PTGR2: variants seen among roughly 807,000 people sequenced by gnomAD.
The protein encoded by PTGR2 is prostaglandin reductase 2.
A neutral mutation model predicts 43.4 loss-of-function variants in PTGR2; 32 were observed. The ratio of observed to expected loss-of-function variants is 0.74; its 90% CI spans 0.56 to 0.99. The LOEUF (loss-of-function observed/expected upper bound fraction) is 0.99. Among genes scored for constraint, PTGR2 ranks in the 50% least tolerant of loss-of-function variants. PTGR2 has a pLI of 0.00. For synonymous variants in PTGR2, 106 were observed against 139.2 expected (o/e 0.76, Z 1.68); for missense variants, 373 against 420.0 (o/e 0.89, Z 0.98).
At chr14:73,875,189 AG>A (rs1396114676) in intron 4 of PTGR2, among the ~76,000 whole-genome samples, 1 of 151,294 alleles carries the variant, frequency 6.6e-6, no homozygotes, top group Admixed American at 6.6e-5. Flanking sequence ...TAGAAACAAG[AG>A]TCTTACCATG....
chr14:73,879,526 C>A, intron 6 of PTGR2: 1 of 481,330 alleles, frequency 2.1e-6, no homozygotes, highest in East Asian at 3.7e-5. Flanking sequence ...TATTTGCTAC[C>A]AATATTATAT....
rs527813299 is a variant in PTGR2 at position 73,863,493 on chromosome 14, TAA to T, written c.156+2842_156+2843del. Among the ~76,000 whole-genome samples, 40 of 152,212 alleles carry T rather than the reference TAA, an allele frequency of 2.6e-4. No homozygotes were observed. In the South Asian group the frequency reaches 5.2e-3, roughly 20 times the overall value. On this transcript the variant is annotated intron_variant, in intron 3 of 9. Transcript: ENST00000555661. ...CCATGCCCGGCTAATTAAAATTTTT[TAA>T]AAAAACATTTTAAAATTGTTTATTT...
At position 73,884,849 on chromosome 14, in the gene PTGR2, T is replaced by G. The variant is rs577325996; in HGVS notation, c.*672T>G. The G allele has an allele frequency of 6.6e-6, 1 of 152,334 alleles. No individual in the cohort carries two copies. Among genetic ancestry groups the G allele is most frequent in the African/African-American group, 2.4e-5 (1 of 41,576 alleles). The allele number at this position is 152,334 out of a possible 1,614,324, so 9.4% of individuals were successfully genotyped here. A position where few individuals can be genotyped will look rare whatever the true frequency, so the allele number is the denominator to read the frequency against. ...AGATTTACTCCAGAGGATCATCTCTTTGTATTTGCCAAATAATTTACTGTA... is the reference window on the plus strand; with the variant it reads ...AGATTTACTCCAGAGGATCATCTCTGTGTATTTGCCAAATAATTTACTGTA... On this transcript the variant is annotated 3_prime_UTR_variant, in exon 10 of 10. Coordinates refer to ENST00000555661, the MANE Select transcript of PTGR2 (RefSeq NM_001146154.2).
intron 4 of PTGR2, 24 bp downstream of exon 4, chr14:73,874,238 G>T: frequency 6.6e-7 from 1 of 1,522,628 alleles, no homozygotes; most frequent in Non-Finnish European, 8.9e-7. Context: ...GAACATATCT[G>T]ATTTTTTTTC....
chr14:73,864,332 AGTAAGTATAT>A (rs2054556458), intron 3 of PTGR2, among the ~76,000 whole-genome samples: 1 of 152,192 alleles, frequency 6.6e-6, no homozygotes, highest in Non-Finnish European at 1.5e-5. Flanking sequence ...TAGGTCATAC[AGTAAGTATAT>A]GTTTAACCTT....
chr14:73,873,182 C>G (rs2054777735), intron 3 of PTGR2, among the ~76,000 whole-genome samples: 1 of 151,802 alleles, frequency 6.6e-6, no homozygotes, highest in East Asian at 2.0e-4. Context: ...TGGCACATGC[C>G]TCTAATCCCA....
rs767354971 is a variant in PTGR2 at position 73,874,169 on chromosome 14, GC to G, written c.306del (p.Trp103GlyfsTer15). 42 of 1,613,756 alleles carry G rather than the reference GC, an allele frequency of 2.6e-5. No individual in the cohort carries two copies. Among genetic ancestry groups the G allele is most frequent in the Non-Finnish European group, 2.8e-5 (33 of 1,179,962 alleles). On this transcript the variant is annotated frameshift_variant, in exon 4 of 10. Coordinates refer to ENST00000555661, the MANE Select transcript of PTGR2 (RefSeq NM_001146154.2). The part of the protein sequence containing the change: ...KGDFVTSFYW[P>X]WQTKVILDGN... The stretch of plus-strand genomic sequence containing the variant: ...GCGATTTTGTGACTTCTTTCTATTG[GC>G]CCTGGCAAACCAAGGTTATTCTGGA...
chr14:73,884,166 ATC>A lies in PTGR2; in HGVS notation c.1049_1050del (p.Ser350PhefsTer29), dbSNP rs2055071082. The A allele has an allele frequency of 1.9e-6, 3 of 1,591,538 alleles. No homozygotes were observed. In the South Asian group the frequency reaches 3.3e-5, roughly 18 times the overall value. ...GKQIVCISEE[I>X]SL The stretch of plus-strand genomic sequence containing the variant: ...GCAGATAGTTTGCATTTCAGAAGAA[ATC>A]TCTTTGTAATTGCTGTAAATGTCAT... On this transcript the variant is annotated frameshift_variant, in exon 10 of 10. Transcript: ENST00000555661. LOFTEE classifies it high-confidence loss of function.
chr14:73,853,364 C>G (rs1409668731), intron 1 of PTGR2, among the ~76,000 whole-genome samples: 1 of 151,836 alleles, frequency 6.6e-6, no homozygotes, highest in Non-Finnish European at 1.5e-5. Context: ...CTCTTGTCGC[C>G]CATGCTGGAG....
chr14:73,869,586 A>AAT (rs2054678154), intron 3 of PTGR2, among the ~76,000 whole-genome samples: 1 of 152,194 alleles, frequency 6.6e-6, no homozygotes, highest in East Asian at 1.9e-4. Flanking sequence ...AAAAAAAAAA[A>AAT]AAAGTTTATG....
intron 4 of PTGR2, chr14:73,874,507 G>C (rs1476895795): frequency 4.0e-6 from 2 of 494,306 alleles, no homozygotes; most frequent in Non-Finnish European, 7.9e-6. Context: ...CCTCACAGAA[G>C]AATAGGAGAC....
chr14:73,882,700 C>CCT (rs1337006613), intron 9 of PTGR2, among the ~76,000 whole-genome samples: 1 of 148,998 alleles, frequency 6.7e-6, no homozygotes. Flanking sequence ...CGGGGTTTCA[C>CCT]TGTCTTAGCC....
At chr14:73,859,037 T>G in intron 2 of PTGR2, 138 bp downstream of exon 2, 1 of 566,704 alleles carries the variant, frequency 1.8e-6, no homozygotes, top group Non-Finnish European at 3.0e-6. Context: ...TAGAAGAAAC[T>G]CTTTAAACGA....
intron 8 of PTGR2, among the ~76,000 whole-genome samples, chr14:73,881,652 G>A (rs2054989993): frequency 6.6e-6 from 1 of 151,768 alleles, no homozygotes; most frequent in Non-Finnish European, 1.5e-5. Flanking sequence ...AGCACCTCCT[G>A]ATGCTTATAC....
At chr14:73,870,031 A>G (rs28414434) in intron 3 of PTGR2, among the ~76,000 whole-genome samples, 2 of 150,368 alleles carry the variant, frequency 1.3e-5, no homozygotes, top group South Asian at 2.1e-4. Context: ...CGTCTCAGAG[A>G]GAAAAAAAAA....
intron 3 of PTGR2, among the ~76,000 whole-genome samples, chr14:73,870,974 A>G (rs2054713577): frequency 6.6e-6 from 1 of 152,144 alleles, no homozygotes; most frequent in African/African-American, 2.4e-5. Flanking sequence ...GGAATCTCCA[A>G]GGTGTCTTTT....
Position 73,884,923 on chromosome 14 carries a change from G to C in PTGR2, c.*746G>C, listed in dbSNP as rs947814835. On this transcript the variant is annotated 3_prime_UTR_variant, in exon 10 of 10. Transcript: ENST00000555661. Reference sequence around the variant, plus strand: ...TGAGAAAAGCATATGTTTATTTTAGGTTAGCAGGCACATACTGTCAAGTTG... The same window carrying C: ...TGAGAAAAGCATATGTTTATTTTAGCTTAGCAGGCACATACTGTCAAGTTG... 1 of 152,146 alleles carries C rather than the reference G, an allele frequency of 6.6e-6. No individual in the cohort carries two copies. Among genetic ancestry groups the C allele is most frequent in the African/African-American group, 2.4e-5 (1 of 41,418 alleles). 9.4% of individuals were successfully genotyped at this position (152,146 alleles called of 1,614,324 possible).
At chr14:73,872,080 G>A (rs905818728) in intron 3 of PTGR2, among the ~76,000 whole-genome samples, 1 of 152,106 alleles carries the variant, frequency 6.6e-6, no homozygotes, top group Non-Finnish European at 1.5e-5. Flanking sequence ...CCGTGCTGTC[G>A]TCCTCTACAT....
chr14:73,878,007 G>C (rs1314466835), intron 5 of PTGR2: 1 of 152,190 alleles, frequency 6.6e-6, no homozygotes, highest in Admixed American at 6.5e-5. Context: ...AATTAGCCCA[G>C]CGTGGTGGCA....
Sources: gnomAD v4.1 joint callset for allele counts (sites outside exome capture counted in the v4.1 genomes callset) on GRCh38, gnomAD v4.1.1 for gene constraint, MANE v1.5 for transcripts, NCBI Gene and HGNC (gene_info 2026-07-23, HGNC 2026-07-21) for gene names.